PSD3: variants seen among roughly 807,000 people sequenced by gnomAD.
PSD3 encodes pleckstrin and Sec7 domain containing 3.
PSD3 carries 49 observed loss-of-function variants against 105.5 expected under a neutral mutation model. The ratio of observed to expected loss-of-function variants is 0.46; its 90% CI spans 0.37 to 0.59. PSD3 has a LOEUF of 0.59. Ranked by LOEUF, PSD3 falls within the 20% of genes least tolerant of loss-of-function variation. The pLI is 0.00. For synonymous variants in PSD3, 557 were observed against 457.8 expected, an observed-to-expected ratio of 1.22 and a Z score of -2.77; for missense variants, 1,561 against 1,263.8, an observed-to-expected ratio of 1.24 and a Z score of -3.57.
chr8:18,681,083 G>A (rs1585602195), intron 9 of PSD3, among the ~76,000 whole-genome samples: 1 of 152,064 alleles, frequency 6.6e-6, no homozygotes, highest in Non-Finnish European at 1.5e-5. Flanking sequence ...ACTCTGACAA[G>A]GAGAAGCAAT....
chr8:18,728,641 C>G (rs1244964239), intron 9 of PSD3, among the ~76,000 whole-genome samples: 1 of 152,164 alleles, frequency 6.6e-6, no homozygotes, highest in Non-Finnish European at 1.5e-5. Flanking sequence ...GGGCAAGGAC[C>G]AGACTTTCAA....
chr8:18,692,428 G>A (rs776067098), intron 9 of PSD3, among the ~76,000 whole-genome samples: 3 of 152,150 alleles, frequency 2.0e-5, no homozygotes, highest in Non-Finnish European at 4.4e-5. Context: ...CTTCCCTGAG[G>A]ACTTTAGAAA....
rs986329909 is a variant in PSD3, at chr8:18,533,530, C to T, written c.*2213G>A. The T allele has an allele frequency of 1.1e-4, 16 of 152,248 alleles. No individual in the cohort carries two copies. The highest frequency in any genetic ancestry group is 3.9e-4 in the African/African-American group (16 of 41,532). The allele number at this position is 152,248 out of a possible 1,614,324, so 9.4% of individuals were successfully genotyped here. ...AACACTACTCTAAATGTCAGAAATA[C>T]TGTAGCAAGGTACCATTCAATGTAT... On this transcript the variant is annotated 3_prime_UTR_variant, in exon 16 of 16. Transcript: ENST00000327040.
At chr8:18,824,767 TAC>T (rs1813039983) in intron 4 of PSD3, among the ~76,000 whole-genome samples, 2 of 152,112 alleles carry the variant, frequency 1.3e-5, no homozygotes, top group Non-Finnish European at 1.5e-5. Context: ...CTGACTGCGA[TAC>T]AGATAACTAG....
At position 18,868,048 on chromosome 8, in the gene PSD3, G is replaced by A. The variant is rs143484691; in HGVS notation, c.1260C>T (p.His420=). 1,080 of 1,608,094 alleles carry A rather than the reference G, an allele frequency of 6.7e-4. 6 individuals are homozygous for A. The African/African-American group carries it at 0.013, about 19-fold the overall frequency. Residue 420 remains histidine, a synonymous_variant, in exon 4 of 16, where the codon CAC becomes CAT. Coordinates refer to ENST00000327040, the MANE Select transcript of PSD3 (RefSeq NM_015310.4). ...GGATGTCTTCATCTTCCCCCTTAACGTGCTCCTCTTGTTCGCTGATCCTGG... is the reference window on the plus strand; with the variant it reads ...GGATGTCTTCATCTTCCCCCTTAACATGCTCCTCTTGTTCGCTGATCCTGG... ...DRERISEQEE[H]VKGEDEDILG...
chr8:18,690,978 A>G (rs1277423989), intron 9 of PSD3, among the ~76,000 whole-genome samples: 2 of 152,032 alleles, frequency 1.3e-5, no homozygotes, highest in East Asian at 3.9e-4. Flanking sequence ...TTAATGAACA[A>G]TCACTATAAG....
chr8:18,589,338 G>C (rs1255467329), intron 12 of PSD3, among the ~76,000 whole-genome samples: 1 of 152,134 alleles, frequency 6.6e-6, no homozygotes, highest in Non-Finnish European at 1.5e-5. Context: ...TCAAAGTAAT[G>C]TGAGAATTTT....
At chr8:18,972,699 T>A (rs1338379911) in intron 1 of PSD3, among the ~76,000 whole-genome samples, 1 of 152,110 alleles carries the variant, frequency 6.6e-6, no homozygotes, top group African/African-American at 2.4e-5. Flanking sequence ...GAAAACTAGG[T>A]AACTCTGTTT....
chr8:18,936,436 A>G (rs77382339), intron 1 of PSD3, among the ~76,000 whole-genome samples: 2,655 of 152,302 alleles, frequency 0.017, 82 homozygotes, highest in African/African-American at 0.061. Context: ...CGGTTTTTAA[A>G]AAATTAACTT....
chr8:18,859,305 T>C (rs1334235966), intron 4 of PSD3, among the ~76,000 whole-genome samples: 1 of 150,758 alleles, frequency 6.6e-6, no homozygotes, highest in Non-Finnish European at 1.5e-5. Flanking sequence ...TGTCAGCAGA[T>C]GTGCTGTTAT....
At position 18,872,079 on chromosome 8, in the gene PSD3, G is replaced by C. The variant is rs372801560; in HGVS notation, c.785C>G (p.Ser262Cys). Reference protein sequence around the residue: ...SLGSSAVTCHSAGSVGFLKEQ... With the variant: ...SLGSSAVTCHCAGSVGFLKEQ... ...TTTCAAGAAACCAACACTGCCTGCA[G>C]AGTGGCAGGTCACTGCTGAGCTCCC... Residue 262 changes from serine (S) to cysteine (C), a missense_variant, in exon 3 of 16, where the codon TCT becomes TGT. Coordinates refer to ENST00000327040, the MANE Select transcript of PSD3 (RefSeq NM_015310.4). 3.1e-6 allele frequency: 5 copies of C among 1,614,184 alleles called. No individual in the cohort carries two copies. Among genetic ancestry groups the C allele is most frequent in the Non-Finnish European group, 4.2e-6 (5 of 1,180,042 alleles).
At chr8:18,784,273 C>G (rs983925331) in intron 8 of PSD3, among the ~76,000 whole-genome samples, 1 of 152,142 alleles carries the variant, frequency 6.6e-6, no homozygotes, top group South Asian at 2.1e-4. Context: ...CTCAATAAAA[C>G]AATTTCTCCC....
At chr8:18,652,249 G>GTA (rs564408334) in intron 10 of PSD3, among the ~76,000 whole-genome samples, 313 of 151,838 alleles carry the variant, frequency 2.1e-3, no homozygotes, top group Non-Finnish European at 3.9e-3. Flanking sequence ...GGTCAGAGCT[G>GTA]TATATATATA....
chr8:18,554,704 G>A (rs1000946936), intron 15 of PSD3, among the ~76,000 whole-genome samples: 5 of 152,130 alleles, frequency 3.3e-5, no homozygotes, highest in African/African-American at 1.2e-4. Flanking sequence ...TGGGTAGGGG[G>A]AGGTATTACG....
chr8:18,553,758 A>G (rs1482041970), intron 15 of PSD3, among the ~76,000 whole-genome samples: 1 of 152,178 alleles, frequency 6.6e-6, no homozygotes, highest in Non-Finnish European at 1.5e-5. Context: ...CTTAAAAAGC[A>G]CTACTTATAC....
At chr8:18,837,633 G>C (rs544917683) in intron 4 of PSD3, among the ~76,000 whole-genome samples, 1 of 152,132 alleles carries the variant, frequency 6.6e-6, no homozygotes, top group Non-Finnish European at 1.5e-5. Flanking sequence ...TAACTGAAAT[G>C]AGACTAAACT....
rs116619040 is a variant in PSD3, at chr8:18,789,769, C to T, written c.2082+9526G>A. Among the ~76,000 whole-genome samples, 366 of 152,306 alleles carry T rather than the reference C, an allele frequency of 2.4e-3. 1 individual carries two copies. Among genetic ancestry groups the T allele is most frequent in the African/African-American group, 8.3e-3 (346 of 41,560 alleles). On this transcript the variant is annotated intron_variant, in intron 8 of 15. Transcript: ENST00000327040. ...AAGCAACAGGATTGGAAACAAGAGT[C>T]AGGGGTTTCAGCCACCATCATCCTC... is the stretch of plus-strand genomic sequence containing the variant.
At chr8:19,049,889 T>G (rs1235629478) in intron 1 of PSD3, among the ~76,000 whole-genome samples, 1 of 152,102 alleles carries the variant, frequency 6.6e-6, no homozygotes, top group Admixed American at 6.5e-5. Flanking sequence ...CCACTTACAG[T>G]GTAACCTGTT....
intron 2 of PSD3, among the ~76,000 whole-genome samples, chr8:18,934,018 T>C (rs1331923027): frequency 1.3e-5 from 2 of 152,226 alleles, no homozygotes. Flanking sequence ...GCTGTTTTTT[T>C]TACTGTATCT....
Sources: allele counts gnomAD v4.1 joint callset (sites outside exome capture counted in the v4.1 genomes callset), GRCh38; gene constraint gnomAD v4.1.1; transcripts MANE v1.5; gene names NCBI Gene and HGNC (gene_info 2026-07-23, HGNC 2026-07-21).